Variants in AQP7B observed in about 807,000 individuals in gnomAD.
The protein encoded by AQP7B is aquaporin 7B, also known as putative aquaporin-7B.
At chr2:94,594,960 G>A in the AQP7B span, 24 of 766,072 alleles carry the variant, frequency 3.1e-5, no homozygotes, top group East Asian at 5.9e-4. Context: ...GGGTCACATT[G>A]TCCATTCCTT....
chr2:94,595,273 A>G, the AQP7B span, among the ~76,000 whole-genome samples: 1 of 152,086 alleles, frequency 6.6e-6, no homozygotes, highest in African/African-American at 2.4e-5. Flanking sequence ...CATCTCTACT[A>G]AAAATACAAA....
chr2:94,603,486 G>T, the AQP7B span: 2 of 1,610,286 alleles, frequency 1.2e-6, no homozygotes, highest in Non-Finnish European at 1.7e-6. Flanking sequence ...CATTGTGGCG[G>T]GGCTTCCTGA....
At chr2:94,603,689 C>G in the AQP7B span, 1 of 1,387,736 alleles carries the variant, frequency 7.2e-7, no homozygotes. Context: ...CCCAGGTGAG[C>G]TGCCACAGCA....
chr2:94,588,062 C>CTGTG, the AQP7B span, among the ~76,000 whole-genome samples: 213 of 148,644 alleles, frequency 1.4e-3, no homozygotes, highest in African/African-American at 4.7e-3. Flanking sequence ...TGTTCACCTT[C>CTGTG]TGTGTGTGTG....
chr2:94,603,569 C>T, the AQP7B span: 6 of 1,487,438 alleles, frequency 4.0e-6, no homozygotes, highest in Non-Finnish European at 4.6e-6. Flanking sequence ...AGCAGGGAGT[C>T]CCTCCAGATA....
chr2:94,594,530 G>T, the AQP7B span, among the ~76,000 whole-genome samples: 8 of 152,316 alleles, frequency 5.3e-5, no homozygotes, highest in Non-Finnish European at 1.2e-4. Context: ...CAACTAGAAG[G>T]GGCATGGCCT....
chr2:94,596,632 T>C, the AQP7B span, among the ~76,000 whole-genome samples: 2 of 152,178 alleles, frequency 1.3e-5, no homozygotes, highest in Non-Finnish European at 2.9e-5. Flanking sequence ...TTTGGAGCTG[T>C]GTTTGAATCC....
At chr2:94,595,833 G>T in the AQP7B span, among the ~76,000 whole-genome samples, 1 of 152,132 alleles carries the variant, frequency 6.6e-6, no homozygotes, top group African/African-American at 2.4e-5. Flanking sequence ...ATGCCTGTGG[G>T]GAAATCCAGG....
chr2:94,604,509 C>T, the AQP7B span: 9 of 1,610,388 alleles, frequency 5.6e-6, no homozygotes, highest in Admixed American at 1.7e-5. Flanking sequence ...GTGAGCCTTG[C>T]CAACAGATCT....
At chr2:94,603,499 G>T in the AQP7B span, 1 of 1,608,276 alleles carries the variant, frequency 6.2e-7, no homozygotes, top group Non-Finnish European at 8.5e-7. Flanking sequence ...CTTCCTGAAT[G>T]AGGTCAGTGG....
chr2:94,603,144 G>C, the AQP7B span: 5 of 1,538,160 alleles, frequency 3.3e-6, no homozygotes, highest in Non-Finnish European at 4.4e-6. Flanking sequence ...CTCCTTCCTG[G>C]CAGCTGCCAC....
the AQP7B span, chr2:94,602,481 C>T: frequency 7.5e-6 from 12 of 1,601,700 alleles, no homozygotes; most frequent in Non-Finnish European, 1.0e-5. Context: ...CTTAGAGGCC[C>T]TCCCTTGTAG....
the AQP7B span, chr2:94,603,403 G>A: frequency 1.2e-6 from 2 of 1,607,464 alleles, no homozygotes; most frequent in Admixed American, 1.7e-5. Flanking sequence ...CCACTTTTCG[G>A]GTGGAGAGCT....
the AQP7B span, among the ~76,000 whole-genome samples, chr2:94,587,414 G>A: frequency 1.3e-5 from 2 of 152,224 alleles, no homozygotes; most frequent in East Asian, 1.9e-4. Context: ...AGGAGAGTGA[G>A]TGGGGCTCCA....
the AQP7B span, among the ~76,000 whole-genome samples, chr2:94,597,988 G>T: frequency 2.0e-5 from 3 of 152,120 alleles, no homozygotes; most frequent in African/African-American, 7.2e-5. Context: ...GCTTGTTAAT[G>T]CTCCCCCAGC....
chr2:94,597,860 C>T, the AQP7B span, among the ~76,000 whole-genome samples: 24 of 152,164 alleles, frequency 1.6e-4, no homozygotes, highest in Non-Finnish European at 3.4e-4. Flanking sequence ...CCACCTCGGC[C>T]TCCCAAAGTG....
At chr2:94,604,372 T>G in the AQP7B span, 2 of 1,611,420 alleles carry the variant, frequency 1.2e-6, no homozygotes, top group East Asian at 4.5e-5. Flanking sequence ...TGGTCTTCAT[T>G]GGCTCCACCA....
At chr2:94,591,244 C>G in the AQP7B span, among the ~76,000 whole-genome samples, 7 of 152,214 alleles carry the variant, frequency 4.6e-5, no homozygotes, top group South Asian at 1.2e-3. Context: ...AAGTGTCTAG[C>G]GGGCTCCTCA....
chr2:94,591,442 C>T, the AQP7B span, among the ~76,000 whole-genome samples: 5 of 152,192 alleles, frequency 3.3e-5, no homozygotes. Flanking sequence ...TTGGCACTGC[C>T]ATCTCTGTGG....
Sources: gnomAD v4.1 joint callset for allele counts (sites outside exome capture counted in the v4.1 genomes callset) on GRCh38, gnomAD v4.1.1 for gene constraint, MANE v1.5 for transcripts, NCBI Gene and HGNC (gene_info 2026-07-23, HGNC 2026-07-21) for gene names.